GALNT17: variants seen among roughly 807,000 people sequenced by gnomAD.
GALNT17 encodes polypeptide N-acetylgalactosaminyltransferase 17, also known as UDP-GalNAc:polypeptide N-acetylgalactosaminyltransferase-like 3.
GALNT17 carries 29 observed loss-of-function variants against 63.7 expected under a neutral mutation model. The observed-to-expected ratio is 0.46, with a 90% CI of 0.34 to 0.62. The LOEUF (loss-of-function observed/expected upper bound fraction) is 0.62, where lower values mean the gene tolerates loss of function less well. GALNT17 is among the 20% of genes least tolerant of loss of function. GALNT17 has a pLI of 0.01. For synonymous variants in GALNT17, 305 were observed against 318.3 expected (o/e 0.96, Z 0.45); for missense variants, 603 against 799.6 (o/e 0.75, Z 2.97).
intron 2 of GALNT17, among the ~76,000 whole-genome samples, chr7:71,351,184 C>T (rs1792183321): frequency 6.6e-6 from 1 of 151,980 alleles, no homozygotes; most frequent in African/African-American, 2.4e-5. Flanking sequence ...TAAATAAAGC[C>T]TCTGTCAGAA....
At chr7:71,685,165 G>A (rs1791333491) in intron 9 of GALNT17, among the ~76,000 whole-genome samples, 1 of 152,162 alleles carries the variant, frequency 6.6e-6, no homozygotes, top group African/African-American at 2.4e-5. Flanking sequence ...AAGACTCATA[G>A]GAAGCAGAGA....
chr7:71,453,285 A>G (rs1219183184), intron 5 of GALNT17, among the ~76,000 whole-genome samples: 1 of 152,160 alleles, frequency 6.6e-6, no homozygotes, highest in Non-Finnish European at 1.5e-5. Flanking sequence ...ACTTGGTTCC[A>G]CAGTTGTAGT....
chr7:71,430,878 G>A (rs1261544204), intron 5 of GALNT17, among the ~76,000 whole-genome samples: 1 of 152,164 alleles, frequency 6.6e-6, no homozygotes, highest in Non-Finnish European at 1.5e-5. Flanking sequence ...CTATGCATCA[G>A]CAAATATATT....
chr7:71,354,378 G>A (rs796662862), intron 2 of GALNT17, among the ~76,000 whole-genome samples: 15 of 152,214 alleles, frequency 9.9e-5, no homozygotes, highest in African/African-American at 3.6e-4. Context: ...AGTTTATTGT[G>A]TTAAGAAAGT....
intron 5 of GALNT17, among the ~76,000 whole-genome samples, chr7:71,559,165 G>A (rs1052565141): frequency 2.6e-5 from 4 of 152,164 alleles, no homozygotes; most frequent in African/African-American, 9.7e-5. Context: ...AAAGGCAGCC[G>A]ACTTGTCCTT....
chr7:71,531,349 T>C (rs1217292180), intron 5 of GALNT17, among the ~76,000 whole-genome samples: 1 of 152,194 alleles, frequency 6.6e-6, no homozygotes, highest in Admixed American at 6.6e-5. Context: ...TCTACCCCCT[T>C]AGCAAATATT....
At chr7:71,593,564 C>T (rs1322168912) in intron 6 of GALNT17, among the ~76,000 whole-genome samples, 1 of 152,078 alleles carries the variant, frequency 6.6e-6, no homozygotes. Context: ...ACGCCTGGCC[C>T]CTTGACAATT....
intron 5 of GALNT17, among the ~76,000 whole-genome samples, chr7:71,429,409 G>A (rs1786819879): frequency 6.6e-6 from 1 of 152,240 alleles, no homozygotes; most frequent in South Asian, 2.1e-4. Context: ...CTGGGCCTCA[G>A]ATAGGAGGCT....
chr7:71,173,261 G>A (rs1343791175), intron 1 of GALNT17, among the ~76,000 whole-genome samples: 2 of 152,246 alleles, frequency 1.3e-5, no homozygotes, highest in Non-Finnish European at 2.9e-5. Context: ...GGTTCTACAT[G>A]TGCACCCTGG....
chr7:71,313,119 A>T (rs1269215324), intron 1 of GALNT17, among the ~76,000 whole-genome samples: 1 of 152,186 alleles, frequency 6.6e-6, no homozygotes, highest in East Asian at 1.9e-4. Context: ...CTTTAAAAAT[A>T]TATATCCCAT....
chr7:71,366,018 C>T (rs901080173), intron 2 of GALNT17, among the ~76,000 whole-genome samples: 2 of 152,148 alleles, frequency 1.3e-5, no homozygotes, highest in Non-Finnish European at 2.9e-5. Flanking sequence ...GCATTAGATT[C>T]TCATAAGGAG....
chr7:71,538,115 T>C (rs1788829434), intron 5 of GALNT17, among the ~76,000 whole-genome samples: 2 of 152,274 alleles, frequency 1.3e-5, no homozygotes, highest in Admixed American at 6.5e-5. Flanking sequence ...AACTAATATA[T>C]ATAACAACTG....
chr7:71,525,080 G>T (rs562529320), intron 5 of GALNT17, among the ~76,000 whole-genome samples: 1 of 152,312 alleles, frequency 6.6e-6, no homozygotes, highest in South Asian at 2.1e-4. Flanking sequence ...AAAAGTGACT[G>T]TGGCTTTTAC....
chr7:71,359,570 A>G (rs1396748339), intron 2 of GALNT17, among the ~76,000 whole-genome samples: 1 of 151,456 alleles, frequency 6.6e-6, no homozygotes, highest in Non-Finnish European at 1.5e-5. Context: ...AACATAGCAT[A>G]TAACTACTGC....
At chr7:71,136,568 C>G (rs1562851382) in intron 1 of GALNT17, among the ~76,000 whole-genome samples, 1 of 152,022 alleles carries the variant, frequency 6.6e-6, no homozygotes, top group Non-Finnish European at 1.5e-5. Flanking sequence ...TCGCTGCAGT[C>G]TCCGCTTCCT....
intron 5 of GALNT17, among the ~76,000 whole-genome samples, chr7:71,538,853 G>GGAGGGAGGGATGGTGGGAGA (rs1788842365): frequency 6.6e-6 from 1 of 151,934 alleles, no homozygotes; most frequent in Non-Finnish European, 1.5e-5. Flanking sequence ...GAGAAAGGAA[G>GGAGGGAGGGATGGTGGGAGA]GAGGGAGGGA....
chr7:71,609,331 A>G (rs1029474517), intron 6 of GALNT17, among the ~76,000 whole-genome samples: 7 of 152,194 alleles, frequency 4.6e-5, no homozygotes, highest in African/African-American at 1.4e-4. Context: ...GAGGTCACCA[A>G]CGTTCCTTTT....
At position 71,669,864 on chromosome 7, in the gene GALNT17, G is replaced by A. The variant is rs1208473101; in HGVS notation, c.1267-108G>A. On this transcript the variant is annotated intron_variant, in intron 7 of 10. Coordinates refer to ENST00000333538, the MANE Select transcript of GALNT17 (RefSeq NM_022479.3). ...GCATGAGCCACCGTGCCCAGCCCAG[G>A]CTTAAGATCTTCTATGTGAAGGTTT... 4 of 1,439,882 alleles carry A rather than the reference G, an allele frequency of 2.8e-6. No individual in the cohort carries two copies. The African/African-American group carries it at 5.7e-5, about 20-fold the overall frequency. The allele number at this position is 1,439,882 out of a possible 1,614,324, so 89.2% of individuals were successfully genotyped here. A position where few individuals can be genotyped will look rare whatever the true frequency, so the allele number is the denominator to read the frequency against.
At chr7:71,175,080 C>A (rs1788611381) in intron 1 of GALNT17, among the ~76,000 whole-genome samples, 1 of 152,146 alleles carries the variant, frequency 6.6e-6, no homozygotes, top group Non-Finnish European at 1.5e-5. Context: ...CTATCTATAT[C>A]TATCTATCTA....
Sources: allele counts gnomAD v4.1 joint callset (sites outside exome capture counted in the v4.1 genomes callset), GRCh38; gene constraint gnomAD v4.1.1; transcripts MANE v1.5; gene names NCBI Gene and HGNC (gene_info 2026-07-23, HGNC 2026-07-21).